SEC24A: variants seen among roughly 807,000 people sequenced by gnomAD.
SEC24A encodes the protein SEC24 homolog A, COPII component, also known as protein transport protein Sec24A.
In SEC24A, 93 loss-of-function variants were observed where a neutral mutation model predicts 129.4. That is an observed-to-expected ratio of 0.72 (90% CI 0.61 to 0.85). The LOEUF (loss-of-function observed/expected upper bound fraction) is 0.85, where lower values mean the gene tolerates loss of function less well. SEC24A is among the 40% of genes least tolerant of loss of function. The pLI is 0.00. For missense variants in SEC24A, 1,264 were observed against 1,307.4 expected (o/e 0.97, Z 0.51); for synonymous variants, 460 against 467.3 (o/e 0.98, Z 0.20).
chr5:134,666,021 C>T (rs1290145304), intron 2 of SEC24A, among the ~76,000 whole-genome samples: 3 of 152,130 alleles, frequency 2.0e-5, no homozygotes, highest in African/African-American at 4.8e-5. Context: ...TACAGTGGCT[C>T]ACGCCTGTAA....
intron 17 of SEC24A, among the ~76,000 whole-genome samples, chr5:134,707,515 G>C (rs1245390965): frequency 1.3e-5 from 2 of 151,772 alleles, no homozygotes; most frequent in Non-Finnish European, 2.9e-5. Context: ...ATTTTTAGTA[G>C]AGACGGGGTT....
At position 134,676,731 on chromosome 5, in the gene SEC24A, C is replaced by T. The variant is rs186123370; in HGVS notation, c.1254+606C>T. Among the ~76,000 whole-genome samples the T allele has an allele frequency of 1.6e-4, 25 of 152,232 alleles. No individual in the cohort carries two copies. The East Asian group carries it at 4.3e-3, about 26-fold the overall frequency. On this transcript the variant is annotated intron_variant, in intron 7 of 22. Transcript: ENST00000398844. ...ATTTATAGGCCTGAGCCACTACACC[C>T]GGCCTCTTTAGTGAAGGTAAATGTC... is the stretch of plus-strand genomic sequence containing the variant.
intron 3 of SEC24A, 44 bp from the exon 4 acceptor site, chr5:134,671,765 A>G (rs1361339481): frequency 1.7e-6 from 2 of 1,167,272 alleles, no homozygotes; most frequent in African/African-American, 1.6e-5. Flanking sequence ...AGAGATTGTA[A>G]TAATCATTCT....
At chr5:134,724,784 C>T (rs1444729368) in intron 22 of SEC24A, among the ~76,000 whole-genome samples, 196 bp from the exon 23 acceptor site, 3 of 152,166 alleles carry the variant, frequency 2.0e-5, no homozygotes, top group Non-Finnish European at 4.4e-5. Flanking sequence ...TCAACTATTT[C>T]TCTTAATTCC....
chr5:134,688,040 G>A lies in SEC24A; in HGVS notation c.1605-141G>A, dbSNP rs546499714. 1.1e-4 allele frequency: 73 copies of A among 671,644 alleles called. No individual in the cohort carries two copies. The South Asian group carries it at 1.2e-3, about 11-fold the overall frequency. The allele number at this position is 671,644 out of a possible 1,614,324, so 41.6% of individuals were successfully genotyped here. On this transcript the variant is annotated intron_variant, in intron 10 of 22. Coordinates refer to ENST00000398844, the MANE Select transcript of SEC24A (RefSeq NM_021982.3). ...CAGATATGTTTTCATGGTAAACGTT[G>A]GGTGGTTTAAACATTTGTTTGTGTT...
rs767541257 is a variant in SEC24A at position 134,698,008 on chromosome 5, T to C, written c.2217T>C (p.Leu739=). Residue 739 remains leucine (L), a synonymous_variant, in exon 15 of 23, where the codon CTT becomes CTC. Coordinates refer to ENST00000398844, the MANE Select transcript of SEC24A (RefSeq NM_021982.3). ...TACAGAAGGAACTACAGAGATACCTTACTCGGAAGATTGGCTTTGAGGCAG... is the reference window on the plus strand; with the variant it reads ...TACAGAAGGAACTACAGAGATACCTCACTCGGAAGATTGGCTTTGAGGCAG... ...QKLQKELQRY[L]TRKIGFEAVM... The C allele has an allele frequency of 1.2e-6, 2 of 1,613,996 alleles. No individual in the cohort carries two copies. The highest frequency in any genetic ancestry group is 3.3e-5 in the Admixed American group (2 of 59,964).
At position 134,659,274 on chromosome 5, in the gene SEC24A, A is replaced by G. The variant is rs545434497; in HGVS notation, c.98-1845A>G. 1.5e-3 allele frequency among the ~76,000 whole-genome samples: 233 copies of G among 151,930 alleles called. 1 individual carries two copies. The East Asian group carries it at 0.032, about 21-fold the overall frequency. ...TTTTTAGTAGAGATGGGGTTTCACC[A>G]TGTTAGCCAGGATGGTCTTGATCTC... On this transcript the variant is annotated intron_variant, in intron 1 of 22. Transcript: ENST00000398844.
chr5:134,666,775 A>G (rs370698733), intron 2 of SEC24A, 48 bp from the exon 3 acceptor site: 34 of 1,542,492 alleles, frequency 2.2e-5, no homozygotes, highest in Non-Finnish European at 2.9e-5. Flanking sequence ...GATTTTGGCC[A>G]TAGTCTTGAG....
intron 20 of SEC24A, among the ~76,000 whole-genome samples, chr5:134,718,488 AAAG>A (rs775543337): frequency 1.3e-5 from 2 of 152,138 alleles, no homozygotes; most frequent in African/African-American, 4.8e-5. Flanking sequence ...AGGTATTCTA[AAAG>A]AAGATCTTAT....
chr5:134,667,616 T>C (rs1310277119), intron 3 of SEC24A, among the ~76,000 whole-genome samples: 1 of 133,794 alleles, frequency 7.5e-6, no homozygotes, highest in Non-Finnish European at 1.5e-5. Flanking sequence ...ATTGCGCCAC[T>C]GCACTCCAGC....
chr5:134,652,096 A>G (rs987432526), intron 1 of SEC24A, among the ~76,000 whole-genome samples: 1 of 150,990 alleles, frequency 6.6e-6, no homozygotes, highest in Admixed American at 6.6e-5. Flanking sequence ...TAATTTTTGT[A>G]TTTTTAGTAG....
intron 2 of SEC24A, among the ~76,000 whole-genome samples, chr5:134,665,500 G>A (rs986076551): frequency 2.0e-5 from 3 of 150,372 alleles, no homozygotes; most frequent in Admixed American, 6.6e-5. Context: ...GTCTCCCAAA[G>A]TCCTGGTATT....
intron 13 of SEC24A, among the ~76,000 whole-genome samples, chr5:134,695,944 CAAAAAAA>C (rs34026685): frequency 1.5e-5 from 1 of 67,746 alleles, no homozygotes; most frequent in African/African-American, 5.5e-5. Flanking sequence ...GACTCTGTCT[CAAAAAAA>C]AAAAAAAAAA....
intron 22 of SEC24A, 94 bp downstream of exon 22, chr5:134,723,764 A>G: frequency 4.1e-6 from 3 of 729,932 alleles, no homozygotes; most frequent in Non-Finnish European, 4.8e-6. Flanking sequence ...AAGAAAGAAA[A>G]AGAGTTCTTC....
At chr5:134,691,726 C>A (rs943696108) in intron 11 of SEC24A, among the ~76,000 whole-genome samples, 1 of 152,006 alleles carries the variant, frequency 6.6e-6, no homozygotes, top group Non-Finnish European at 1.5e-5. Context: ...ACCTTGTGAT[C>A]CGCCCGCGTC....
At position 134,692,617 on chromosome 5, in the gene SEC24A, T is replaced by A; in HGVS notation, c.1739T>A (p.Met580Lys). Residue 580 changes from methionine to lysine, a missense_variant, in exon 12 of 23, where the codon ATG (methionine) becomes AAG (lysine). Met to Lys is a moderately conservative substitution (Grantham distance 95). Transcript: ENST00000398844. ...CTTCTTTCAGATGTTTTTATACCTA[T>A]GCCAGAGAACTTATTAGTAAACTTA... Reference protein sequence around the residue: ...VSDIEDVFIPMPENLLVNLNE... With the variant: ...VSDIEDVFIPKPENLLVNLNE... 2.9e-6 allele frequency: 4 copies of A among 1,400,994 alleles called. No homozygotes were observed. Among genetic ancestry groups the A allele is most frequent in the Non-Finnish European group, 3.0e-6 (3 of 992,296 alleles). 86.8% of individuals were successfully genotyped at this position (1,400,994 alleles called of 1,614,324 possible).
intron 3 of SEC24A, among the ~76,000 whole-genome samples, chr5:134,669,021 G>A (rs1038334662): frequency 6.1e-5 from 9 of 147,666 alleles, no homozygotes; most frequent in Admixed American, 3.4e-4. Flanking sequence ...GCAGTGAGCC[G>A]AGATCACACC....
Position 134,692,641 on chromosome 5 carries a change from TAAATG to T in SEC24A, c.1767_1771del (p.Asn589LysfsTer2), listed in dbSNP as rs752645164. 5 of 1,412,354 alleles carry T rather than the reference TAAATG, an allele frequency of 3.5e-6. No individual in the cohort carries two copies. The highest frequency in any genetic ancestry group is 1.4e-5 in the African/African-American group (1 of 70,550). 87.5% of individuals were successfully genotyped at this position (1,412,354 alleles called of 1,614,324 possible). ...ATGCCAGAGAACTTATTAGTAAACTTAAATGAAAGTAAAGAGGTAAGGCACATTTT... is the reference window on the plus strand; with the variant it reads ...ATGCCAGAGAACTTATTAGTAAACTTAAAGTAAAGAGGTAAGGCACATTTT... On this transcript the variant is annotated frameshift_variant, in exon 12 of 23. Coordinates refer to ENST00000398844, the MANE Select transcript of SEC24A (RefSeq NM_021982.3). LOFTEE classifies it high-confidence loss of function.
chr5:134,680,935 C>T lies in SEC24A; in HGVS notation c.1381+1207C>T, dbSNP rs575973180. 7.9e-5 allele frequency among the ~76,000 whole-genome samples: 12 copies of T among 152,054 alleles called. No individual in the cohort carries two copies. The South Asian group carries it at 2.3e-3, about 29-fold the overall frequency. ...CCAACACAGTGAAACCCCATCTTTA[C>T]TAAAAATACAATAATTAGCCGGGTG... On this transcript the variant is annotated intron_variant, in intron 8 of 22. Coordinates refer to ENST00000398844, the MANE Select transcript of SEC24A (RefSeq NM_021982.3).
Sources: gnomAD v4.1 joint callset for allele counts (sites outside exome capture counted in the v4.1 genomes callset) on GRCh38, gnomAD v4.1.1 for gene constraint, MANE v1.5 for transcripts, NCBI Gene and HGNC (gene_info 2026-07-23, HGNC 2026-07-21) for gene names.